COL11A1: variants seen among roughly 807,000 people sequenced by gnomAD.
COL11A1 encodes collagen type XI alpha 1 chain.
A neutral mutation model predicts 265.2 loss-of-function variants in COL11A1; 74 were observed. That is an observed-to-expected ratio of 0.28 (90% confidence interval 0.23 to 0.34). The LOEUF is 0.34. Among genes scored for constraint, COL11A1 ranks in the 10% least tolerant of loss-of-function variants. The probability of loss-of-function intolerance (pLI) is 1.00; values close to 1 mark genes in which losing one functional copy is unlikely to be tolerated. For synonymous variants in COL11A1, 816 were observed against 727.6 expected, an observed-to-expected ratio of 1.12 and a Z score of -1.96; for missense variants, 2,165 against 2,263.6, an observed-to-expected ratio of 0.96 and a Z score of 0.88.
chr1:103,085,324 C>A (rs142010795), intron 1 of COL11A1, among the ~76,000 whole-genome samples: 1 of 152,270 alleles, frequency 6.6e-6, no homozygotes, highest in African/African-American at 2.4e-5. Flanking sequence ...ACATTCAGGA[C>A]GCAGGGCGGG....
intron 4 of COL11A1, among the ~76,000 whole-genome samples, chr1:103,041,766 C>T (rs550870856): frequency 6.6e-6 from 1 of 152,066 alleles, no homozygotes; most frequent in African/African-American, 2.4e-5. Flanking sequence ...AAAATATAGT[C>T]AGTTTGTGCC....
chr1:102,901,417 C>T (rs1653191373), intron 54 of COL11A1, among the ~76,000 whole-genome samples: 2 of 152,048 alleles, frequency 1.3e-5, no homozygotes, highest in South Asian at 4.2e-4. Context: ...GCAACAAGGC[C>T]CTTGCAAAAT....
intron 24 of COL11A1, chr1:103,001,199 C>G (rs1221075494): frequency 2.3e-5 from 9 of 397,388 alleles, no homozygotes; most frequent in African/African-American, 6.2e-5. Flanking sequence ...GATTGCAGCA[C>G]ATCTGTAAAT....
At chr1:102,878,284 C>G in intron 66 of COL11A1, 119 bp from the exon 67 acceptor site, 1 of 831,054 alleles carries the variant, frequency 1.2e-6, no homozygotes. Context: ...AATAGAAAAA[C>G]AAATTTTCTA....
At chr1:102,966,311 C>T (rs936517520) in intron 37 of COL11A1, among the ~76,000 whole-genome samples, 3 of 151,854 alleles carry the variant, frequency 2.0e-5, no homozygotes, top group African/African-American at 4.8e-5. Context: ...GGAGAAGTTT[C>T]GAAAGAACTG....
intron 54 of COL11A1, among the ~76,000 whole-genome samples, chr1:102,905,587 A>G (rs1000942685): frequency 6.6e-6 from 1 of 151,528 alleles, no homozygotes; most frequent in East Asian, 1.9e-4. Flanking sequence ...TCATAGTTTA[A>G]TAACTTTATT....
intron 23 of COL11A1, 144 bp from the exon 24 acceptor site, chr1:103,002,113 C>A: frequency 1.3e-6 from 1 of 763,920 alleles, no homozygotes; most frequent in Non-Finnish European, 2.2e-6. Context: ...AATTTTAGAA[C>A]ACGATGAGGA....
chr1:102,912,440 A>C (rs924264533), intron 53 of COL11A1, among the ~76,000 whole-genome samples: 1 of 152,208 alleles, frequency 6.6e-6, no homozygotes, highest in Non-Finnish European at 1.5e-5. Flanking sequence ...AAAGTGAATC[A>C]AATTCTCTTT....
chr1:102,880,290 T>G (rs1650068482), intron 65 of COL11A1, among the ~76,000 whole-genome samples: 1 of 152,214 alleles, frequency 6.6e-6, no homozygotes, highest in Non-Finnish European at 1.5e-5. Context: ...AACCAAGGAA[T>G]CTCAGAATAA....
Position 102,961,870 on chromosome 1 carries a change from G to A in COL11A1, c.3164C>T (p.Pro1055Leu). The change falls in exon 41 of 67, where the codon CCA (proline) becomes CTA (leucine). Residue 1055 changes from proline to leucine, a missense_variant. Physicochemically the swap from Pro to Leu is moderately conservative, Grantham distance 98 (BLOSUM62 -3). Coordinates refer to ENST00000370096, the MANE Select transcript of COL11A1 (RefSeq NM_001854.4). ...ATTTATTATCATCATACTTACAACT[G>A]GACCTGGTGGGCCCTGGGGACCTTC... ...GGEGPQGPPG[P>L]VGSPGERGSA... The A allele has an allele frequency of 1.2e-6, 2 of 1,612,946 alleles. No individual in the cohort carries two copies. Among genetic ancestry groups the A allele is most frequent in the Non-Finnish European group, 1.7e-6 (2 of 1,179,380 alleles).
intron 53 of COL11A1, among the ~76,000 whole-genome samples, chr1:102,912,547 T>G (rs1654812181): frequency 6.6e-6 from 1 of 152,246 alleles, no homozygotes; most frequent in Admixed American, 6.5e-5. Flanking sequence ...ATAATTCTGC[T>G]CATATCACAT....
At chr1:103,097,284 C>T (rs918939047) in intron 1 of COL11A1, among the ~76,000 whole-genome samples, 3 of 151,946 alleles carry the variant, frequency 2.0e-5, no homozygotes, top group Non-Finnish European at 2.9e-5. Flanking sequence ...TCTTCCCCAG[C>T]ACCATCTCAC....
chr1:102,991,302 A>C lies in COL11A1; in HGVS notation c.2341-1731T>G, dbSNP rs2615974. ...GCTGTGTATGAAAACAAAGCTAGGA[A>C]GGATAGGCACAAATGCTTCCACATC... is the stretch of plus-strand genomic sequence containing the variant. On this transcript the variant is annotated intron_variant, in intron 28 of 66. Coordinates refer to ENST00000370096, the MANE Select transcript of COL11A1 (RefSeq NM_001854.4). Among the ~76,000 whole-genome samples, 466 of 152,294 alleles carry C rather than the reference A, an allele frequency of 3.1e-3. 3 individuals carry two copies. The highest frequency in any genetic ancestry group is 0.011 in the African/African-American group (448 of 41,572).
chr1:102,894,849 T>C (rs977339753), intron 57 of COL11A1, among the ~76,000 whole-genome samples: 3 of 151,988 alleles, frequency 2.0e-5, no homozygotes, highest in Admixed American at 2.0e-4. Context: ...GATCTTGGCT[T>C]ACTGAAACCT....
chr1:103,030,057 A>G (rs1667848549), intron 5 of COL11A1, among the ~76,000 whole-genome samples: 1 of 152,062 alleles, frequency 6.6e-6, no homozygotes. Context: ...TAAAAACACT[A>G]AACCTGATAA....
chr1:103,064,490 C>T (rs1234523193), intron 4 of COL11A1, among the ~76,000 whole-genome samples: 1 of 151,726 alleles, frequency 6.6e-6, no homozygotes, highest in Non-Finnish European at 1.5e-5. Context: ...GAGATCAAGA[C>T]CATCGTGGCT....
At chr1:103,047,956 C>T (rs910408055) in intron 4 of COL11A1, among the ~76,000 whole-genome samples, 1 of 152,180 alleles carries the variant, frequency 6.6e-6, no homozygotes, top group Non-Finnish European at 1.5e-5. Context: ...ATGAAGCCCA[C>T]TTGATCATGG....
chr1:103,007,327 C>T (rs1043154882), intron 15 of COL11A1, among the ~76,000 whole-genome samples: 7 of 152,162 alleles, frequency 4.6e-5, no homozygotes, highest in East Asian at 3.9e-4. Context: ...ATATACTTTT[C>T]GTGGGGATCG....
intron 4 of COL11A1, among the ~76,000 whole-genome samples, chr1:103,062,619 A>G (rs1670759512): frequency 6.6e-6 from 1 of 152,018 alleles, no homozygotes; most frequent in Non-Finnish European, 1.5e-5. Context: ...AAAATACAGC[A>G]TTCATTCATG....
Sources: gnomAD v4.1 joint callset for allele counts (sites outside exome capture counted in the v4.1 genomes callset) on GRCh38, gnomAD v4.1.1 for gene constraint, MANE v1.5 for transcripts, NCBI Gene and HGNC (gene_info 2026-07-23, HGNC 2026-07-21) for gene names.